Variants in RBL2 observed in about 807,000 individuals in gnomAD.
RBL2 encodes retinoblastoma-like protein 2.
A neutral mutation model predicts 126.0 loss-of-function variants in RBL2; 56 were observed. That is an observed-to-expected ratio of 0.44 (90% CI 0.36 to 0.56). RBL2 has a LOEUF of 0.56. RBL2 is among the 20% of genes least tolerant of loss of function. The pLI is 0.00. For missense variants in RBL2, 1,229 were observed against 1,398.2 expected, an observed-to-expected ratio of 0.88 and a Z score of 1.93; for synonymous variants, 454 against 478.5, an observed-to-expected ratio of 0.95 and a Z score of 0.67.
At position 53,479,881 on chromosome 16, in the gene RBL2, T is replaced by C; in HGVS notation, c.2776-5T>C. The C allele has an allele frequency of 6.4e-7, 1 of 1,570,896 alleles. No individual in the cohort carries two copies. Among genetic ancestry groups the C allele is most frequent in the South Asian group, 1.1e-5 (1 of 88,226 alleles). On this transcript the variant is annotated splice_region_variant and splice_polypyrimidine_tract_variant and intron_variant, in intron 18 of 21. Transcript: ENST00000262133. ...TTATGTCCCCTTCTCATTGTTTCTC[T>C]AAAGGTGTATAGAAGTGTTTTGATA...
At chr16:53,454,633 G>A (rs1244957258) in intron 7 of RBL2, 23 bp from the exon 8 acceptor site, 1 of 1,549,606 alleles carries the variant, frequency 6.5e-7, no homozygotes, top group East Asian at 2.3e-5. Context: ...AGTACATTTT[G>A]TCTGTATTTG....
intron 4 of RBL2, among the ~76,000 whole-genome samples, chr16:53,447,834 G>A (rs983759417): frequency 1.3e-5 from 2 of 152,014 alleles, no homozygotes; most frequent in African/African-American, 4.8e-5. Context: ...CAGTAGAGAT[G>A]GGGTTTCACC....
chr16:53,481,823 C>T lies in RBL2; in HGVS notation c.3237C>T (p.Asn1079=), dbSNP rs781005191. The change falls in exon 21 of 22, where the codon AAC becomes AAT. Residue 1079 remains asparagine, a synonymous_variant. Coordinates refer to ENST00000262133, the MANE Select transcript of RBL2 (RefSeq NM_005611.4). ...AAAAGATTTTCTATTACTTCAGCAA[C>T]AGTCCTTCAAAGGTGAGCCTAACAT... ...PREKIFYYFS[N]SPSKRLREIN... is the part of the protein sequence containing the mutation. The T allele has an allele frequency of 3.8e-6, 6 of 1,582,302 alleles. No homozygotes were observed. Among genetic ancestry groups the T allele is most frequent in the Admixed American group, 3.3e-5 (2 of 59,930 alleles).
intron 17 of RBL2, among the ~76,000 whole-genome samples, chr16:53,477,249 A>G (rs1960760554): frequency 6.6e-6 from 1 of 152,226 alleles, no homozygotes; most frequent in Non-Finnish European, 1.5e-5. Context: ...ATACAATTTT[A>G]TGACTTCTAA....
In RBL2 at chr16:53,481,332, G is replaced by T. The variant is rs574029953; in HGVS notation, c.3085-339G>T. The T allele has an allele frequency of 1.3e-5, 3 of 230,282 alleles. No individual in the cohort carries two copies. The East Asian group carries it at 3.8e-4, about 29-fold the overall frequency. The allele number at this position is 230,282 out of a possible 1,614,324, so 14.3% of individuals were successfully genotyped here. ...AGGCTACATGGGTTCAAATTTTCCA[G>T]TACTTAACAGTGGTGGTAACCTTGC... On this transcript the variant is annotated intron_variant, in intron 20 of 21. Transcript: ENST00000262133.
intron 5 of RBL2, among the ~76,000 whole-genome samples, chr16:53,452,338 A>G (rs2058123805): frequency 6.6e-6 from 1 of 152,218 alleles, no homozygotes; most frequent in South Asian, 2.1e-4. Context: ...ATTTCTATGA[A>G]TGATAAACAG....
Position 53,479,157 on chromosome 16 carries a change from A to T in RBL2, c.2707A>T (p.Thr903Ser), listed in dbSNP as rs747253143. 1 of 1,613,328 alleles carries T rather than the reference A, an allele frequency of 6.2e-7. No individual in the cohort carries two copies. Among genetic ancestry groups the T allele is most frequent in the East Asian group, 2.2e-5 (1 of 44,874 alleles). Residue 903 changes from threonine to serine, a missense_variant, in exon 18 of 22, where the codon ACA becomes TCA. Physicochemically the swap from Thr to Ser is moderately conservative, Grantham distance 58. Transcript: ENST00000262133. The stretch of plus-strand genomic sequence containing the variant: ...GAGCACTCTTATTGTTTGCCAGGTC[A>T]CAAAAGAAGATAAGTCCTTCCAGAA... Reference protein sequence around the residue: ...MCAIYVMAKVTKEDKSFQNIM... With the variant: ...MCAIYVMAKVSKEDKSFQNIM...
At chr16:53,435,293 A>G (rs2153136775) in intron 1 of RBL2, among the ~76,000 whole-genome samples, 1 of 152,164 alleles carries the variant, frequency 6.6e-6, no homozygotes, top group African/African-American at 2.4e-5. Flanking sequence ...CAACGTGCTG[A>G]TGCGTTTTGG....
chr16:53,446,040 CAA>C (rs1265551361), intron 3 of RBL2: 1 of 151,920 alleles, frequency 6.6e-6, no homozygotes, highest in African/African-American at 2.4e-5. Context: ...CAAGAAAAGA[CAA>C]AAGCAGTAAA....
intron 2 of RBL2, among the ~76,000 whole-genome samples, chr16:53,441,527 G>GT (rs1237665545): frequency 2.0e-5 from 3 of 152,230 alleles, no homozygotes; most frequent in Admixed American, 6.5e-5. Flanking sequence ...ATGAAAGAAT[G>GT]TTTTTAGCAA....
Position 53,461,853 on chromosome 16 carries a change from A to G in RBL2, c.1456+3A>G. On this transcript the variant is annotated splice_donor_region_variant and intron_variant, in intron 10 of 21. Transcript: ENST00000262133. ...GGATTTCAGTAATTGTGCTAAAGGT[A>G]AGGTTTAACATTGTTATTCTGCTTT... 1 of 1,596,502 alleles carries G rather than the reference A, an allele frequency of 6.3e-7. No homozygotes were observed. The highest frequency in any genetic ancestry group is 8.6e-7 in the Non-Finnish European group (1 of 1,164,512).
intron 4 of RBL2, among the ~76,000 whole-genome samples, chr16:53,448,563 A>T (rs1734715445): frequency 6.6e-6 from 1 of 152,114 alleles, no homozygotes; most frequent in South Asian, 2.1e-4. Context: ...TGCTCACTGC[A>T]ACCTCCGCCT....
chr16:53,436,111 A>G (rs2057956420), intron 1 of RBL2, among the ~76,000 whole-genome samples: 1 of 152,158 alleles, frequency 6.6e-6, no homozygotes, highest in Non-Finnish European at 1.5e-5. Context: ...TTCATCTCTC[A>G]GTGCCTTTCT....
Position 53,464,298 on chromosome 16 carries a change from A to G in RBL2, c.1633A>G (p.Lys545Glu). ...CCTTGAGGTCGTCACTTTTTCTTAT[A>G]AGCCTCCTGGGAATTTTCCATTTAT... ...CCLEVVTFSY[K>E]PPGNFPFITE... The change falls in exon 12 of 22, where the codon AAG becomes GAG. Residue 545 changes from lysine (K) to glutamate (E), a missense_variant. By Grantham distance (56) the Lys-to-Glu change is moderately conservative. This residue lies in a region of RBL2 where 1,070 missense variants were observed against 1,274.3 expected (regional missense o/e 0.84). Coordinates refer to ENST00000262133, the MANE Select transcript of RBL2 (RefSeq NM_005611.4). 1.3e-6 allele frequency: 2 copies of G among 1,597,392 alleles called. No individual in the cohort carries two copies. Among genetic ancestry groups the G allele is most frequent in the Non-Finnish European group, 1.7e-6 (2 of 1,165,362 alleles).
intron 1 of RBL2, among the ~76,000 whole-genome samples, chr16:53,438,000 C>T (rs2057975717): frequency 6.6e-6 from 1 of 151,212 alleles, no homozygotes; most frequent in African/African-American, 2.4e-5. Context: ...GTACTCCAGC[C>T]TGGGTGACAC....
Position 53,464,309 on chromosome 16 carries a change from G to A in RBL2, c.1644G>A (p.Gly548=). The A allele has an allele frequency of 1.3e-6, 2 of 1,591,474 alleles. No individual in the cohort carries two copies. The highest frequency in any genetic ancestry group is 1.7e-6 in the Non-Finnish European group (2 of 1,160,180). ...EVVTFSYKPP[G]NFPFITEIFD... ...TCACTTTTTCTTATAAGCCTCCTGG[G>A]AATTTTCCATTTATTACTGAAATAT... The change falls in exon 12 of 22, where the codon GGG becomes GGA. Residue 548 remains glycine, a synonymous_variant. Coordinates refer to ENST00000262133, the MANE Select transcript of RBL2 (RefSeq NM_005611.4).
At position 53,470,061 on chromosome 16, in the gene RBL2, C is replaced by T; in HGVS notation, c.2121C>T (p.Val707=). 1.2e-6 allele frequency: 2 copies of T among 1,614,250 alleles called. No individual in the cohort carries two copies. The highest frequency in any genetic ancestry group is 1.7e-6 in the Non-Finnish European group (2 of 1,180,028). Residue 707 remains valine, a synonymous_variant, in exon 15 of 22, where the codon GTC becomes GTT. Transcript: ENST00000262133. The part of the protein sequence containing the change: ...RMPPQPLVNA[V]PVQNVSGETV... ...CCCCACAGCCCCTAGTCAATGCTGT[C>T]CCTGTGCAGAATGTATCTGGGGAGA...
At position 53,457,258 on chromosome 16, in the gene RBL2, C is replaced by CTTTTTT. The variant is rs756763534; in HGVS notation, c.1180-2179_1180-2174dup. Among the ~76,000 whole-genome samples, 669 of 89,896 alleles carry CTTTTTT rather than the reference C, an allele frequency of 7.4e-3. 124 individuals are homozygous for CTTTTTT. The highest frequency in any genetic ancestry group is 0.038 in the African/African-American group (634 of 16,684). The allele number at this position is 89,896 out of a possible 152,430, so 59.0% of individuals were successfully genotyped here. On this transcript the variant is annotated intron_variant, in intron 8 of 21. Transcript: ENST00000262133. Reference sequence around the variant, plus strand: ...GGGTCATCAGGGTGGGTACAGATAGCTTTTTTTTTTTTTTTTTTTGAGATG... The same window carrying CTTTTTT: ...GGGTCATCAGGGTGGGTACAGATAGCTTTTTTTTTTTTTTTTTTTTTTTTTGAGATG...
intron 1 of RBL2, chr16:53,435,840 A>T (rs1011896877): frequency 9.1e-7 from 1 of 1,099,474 alleles, no homozygotes; most frequent in African/African-American, 1.6e-5. Context: ...TTCAATTACT[A>T]GTTCCCTCTT....
Sources: allele counts gnomAD v4.1 joint callset (sites outside exome capture counted in the v4.1 genomes callset), GRCh38; gene constraint gnomAD v4.1.1; regional missense constraint gnomAD v4.1.1; transcripts MANE v1.5; gene names NCBI Gene and HGNC (gene_info 2026-07-23, HGNC 2026-07-21).